The following DCT variants were observed in gnomAD, a reference collection of about 807,000 sequenced individuals.
DCT encodes the protein dopachrome tautomerase, also known as L-dopachrome tautomerase.
In DCT, 47 loss-of-function variants were observed where a neutral mutation model predicts 53.0. That is an observed-to-expected ratio of 0.89 (90% CI 0.70 to 1.13). DCT has a LOEUF of 1.13. Among genes scored for constraint, DCT ranks in the 50% most tolerant of loss-of-function variants. The pLI is 0.00. For missense variants in DCT, 669 were observed against 637.4 expected (o/e 1.05, Z -0.53); for synonymous variants, 244 against 237.0 (o/e 1.03, Z -0.27).
At chr13:94,529,432 C>G in the DCT span, among the ~76,000 whole-genome samples, 3 of 152,194 alleles carry the variant, frequency 2.0e-5, no homozygotes, top group Non-Finnish European at 4.4e-5. Context: ...GAAATCACAA[C>G]AAACTGTCTC....
the DCT span, among the ~76,000 whole-genome samples, chr13:94,486,818 G>C: frequency 6.6e-6 from 1 of 152,148 alleles, no homozygotes. Context: ...CTTCCCTTAT[G>C]TTCCTGGGTT....
chr13:94,526,664 C>T, the DCT span, among the ~76,000 whole-genome samples: 1 of 152,050 alleles, frequency 6.6e-6, no homozygotes. Context: ...CCAAGATGGC[C>T]GAATAGGAAC....
chr13:94,478,352 C>T, intron 1 of DCT, among the ~76,000 whole-genome samples: 1 of 152,082 alleles, frequency 6.6e-6, no homozygotes, highest in Non-Finnish European at 1.5e-5. Flanking sequence ...TGGCGGGTGC[C>T]TGTAATCCCA....
intron 1 of DCT, among the ~76,000 whole-genome samples, chr13:94,470,121 GAGAA>G (rs1241072178): frequency 3.9e-5 from 6 of 151,946 alleles, no homozygotes; most frequent in Admixed American, 6.6e-5. Context: ...GAAAGAGAGA[GAGAA>G]AGAAAGAAAA....
At chr13:94,456,902 C>T (rs556754497) in intron 6 of DCT, among the ~76,000 whole-genome samples, 87 of 152,290 alleles carry the variant, frequency 5.7e-4, no homozygotes, top group Non-Finnish European at 1.0e-3. Context: ...GGCCGAGGCC[C>T]GAGGATCACT....
the DCT span, among the ~76,000 whole-genome samples, chr13:94,513,739 C>T: frequency 6.6e-6 from 1 of 152,090 alleles, no homozygotes; most frequent in East Asian, 1.9e-4. Context: ...GTAATCTCAG[C>T]ACTTTGGGAG....
intron 1 of DCT, among the ~76,000 whole-genome samples, chr13:94,478,368 T>G (rs1452387206): frequency 6.6e-6 from 1 of 151,904 alleles, no homozygotes. Context: ...TCCCAGCTAC[T>G]TGGGAGGCTG....
At chr13:94,536,240 A>C in the DCT span, among the ~76,000 whole-genome samples, 6 of 152,178 alleles carry the variant, frequency 3.9e-5, no homozygotes, top group Admixed American at 3.9e-4. Context: ...ATGTACCAAA[A>C]GGCCTGGACC....
the DCT span, among the ~76,000 whole-genome samples, chr13:94,547,984 A>AAAAAAAAAAAATATATATATATATATAT: frequency 1.5e-5 from 1 of 65,820 alleles, no homozygotes; most frequent in South Asian, 6.5e-4. Flanking sequence ...AAAAAAAAAA[A>AAAAAAAAAAAATATATATATATATATAT]ATATATATAT....
the DCT span, among the ~76,000 whole-genome samples, chr13:94,548,566 C>T: frequency 6.6e-6 from 1 of 151,988 alleles, no homozygotes; most frequent in African/African-American, 2.4e-5. Context: ...CCCCTTGGGT[C>T]CTGGCTCAGT....
intron 1 of DCT, among the ~76,000 whole-genome samples, chr13:94,475,057 G>A (rs530326156): frequency 3.3e-4 from 51 of 152,246 alleles, no homozygotes; most frequent in African/African-American, 1.2e-3. Context: ...TTCTCTGGGA[G>A]GCTCAGGATC....
chr13:94,510,684 C>T, the DCT span, among the ~76,000 whole-genome samples: 1 of 152,180 alleles, frequency 6.6e-6, no homozygotes, highest in African/African-American at 2.4e-5. Context: ...TTTAGACACT[C>T]CTGCTGAGTG....
chr13:94,445,123 G>A (rs971240379), intron 6 of DCT, among the ~76,000 whole-genome samples: 5 of 152,152 alleles, frequency 3.3e-5, no homozygotes, highest in African/African-American at 1.2e-4. Context: ...AGTGTCTAGG[G>A]ATATACAAAA....
intron 6 of DCT, among the ~76,000 whole-genome samples, chr13:94,456,875 A>T (rs1883444595): frequency 6.6e-6 from 1 of 152,250 alleles, no homozygotes; most frequent in Non-Finnish European, 1.5e-5. Flanking sequence ...CACGCCTATA[A>T]TCTCAGCACT....
the DCT span, among the ~76,000 whole-genome samples, chr13:94,544,213 C>T: frequency 6.6e-6 from 1 of 151,884 alleles, no homozygotes; most frequent in East Asian, 1.9e-4. Context: ...TCAACTATGC[C>T]TCCTATCTCA....
chr13:94,520,575 C>T, the DCT span, among the ~76,000 whole-genome samples: 1 of 152,116 alleles, frequency 6.6e-6, no homozygotes, highest in African/African-American at 2.4e-5. Context: ...CATGTGAGCC[C>T]CAAATATCTT....
At chr13:94,451,879 G>A (rs771746682) in intron 6 of DCT, among the ~76,000 whole-genome samples, 1 of 151,628 alleles carries the variant, frequency 6.6e-6, no homozygotes, top group African/African-American at 2.4e-5. Flanking sequence ...CACAGAGGAC[G>A]AATTACTTTC....
the DCT span, among the ~76,000 whole-genome samples, chr13:94,536,798 C>T: frequency 1.3e-5 from 2 of 152,124 alleles, no homozygotes; most frequent in East Asian, 1.9e-4. Context: ...CAAAAATTAG[C>T]GGAGGTGTAG....
At chr13:94,548,589 T>C in the DCT span, among the ~76,000 whole-genome samples, 1 of 152,012 alleles carries the variant, frequency 6.6e-6, no homozygotes, top group African/African-American at 2.4e-5. Context: ...CCACCAGCCA[T>C]ACAAGATAAC....
Sources: allele counts gnomAD v4.1 joint callset (sites outside exome capture counted in the v4.1 genomes callset), GRCh38; gene constraint gnomAD v4.1.1; transcripts MANE v1.5; gene names NCBI Gene and HGNC (gene_info 2026-07-23, HGNC 2026-07-21).